The following PER1 variants were observed in gnomAD, a reference collection of about 807,000 sequenced individuals.
PER1 encodes period circadian regulator 1.
PER1 carries 87 observed loss-of-function variants against 125.9 expected under a neutral mutation model. The observed-to-expected ratio is 0.69, with a 90% CI of 0.58 to 0.83. PER1 has a LOEUF of 0.83. Ranked by LOEUF, PER1 falls within the 40% of genes least tolerant of loss-of-function variation. The pLI is 0.00. For synonymous variants in PER1, 801 were observed against 714.7 expected (o/e 1.12, Z -1.93); for missense variants, 1,775 against 1,722.8 (o/e 1.03, Z -0.54).
intron 17 of PER1, 119 bp downstream of exon 17, chr17:8,145,839 A>G (rs1041424310): frequency 8.7e-7 from 1 of 1,142,990 alleles, no homozygotes. Flanking sequence ...CCCAAGCCCC[A>G]GGTCAAGGGA....
chr17:8,147,222 G>T, intron 13 of PER1, 28 bp downstream of exon 13: 2 of 1,587,704 alleles, frequency 1.3e-6, no homozygotes, highest in Non-Finnish European at 1.7e-6. Flanking sequence ...AGGGCGATTA[G>T]AGGGTGAGGT....
At chr17:8,148,583 T>TG in intron 8 of PER1, 61 bp downstream of exon 8, 1 of 1,528,782 alleles carries the variant, frequency 6.5e-7, no homozygotes. Context: ...AATTCATGTC[T>TG]GGCCATGAGG....
At position 8,143,229 on chromosome 17, in the gene PER1, TG is replaced by T. The variant is rs767861745; in HGVS notation, c.3072+36del. On this transcript the variant is annotated intron_variant, in intron 19 of 22. Transcript: ENST00000317276. ...GGGTGGCAGAGGGGCGGGGCTGGGG[TG>T]GGGGCTGGCAGGCAGACGCAGGGGT... 3 of 1,186,706 alleles carry T rather than the reference TG, an allele frequency of 2.5e-6. No individual in the cohort carries two copies. The African/African-American group carries it at 5.2e-5, about 21-fold the overall frequency. 73.5% of individuals were successfully genotyped at this position (1,186,706 alleles called of 1,614,324 possible). A position where few individuals can be genotyped will look rare whatever the true frequency, so the allele number is the denominator to read the frequency against.
chr17:8,148,569 C>A, intron 8 of PER1, 75 bp downstream of exon 8: 1 of 1,506,170 alleles, frequency 6.6e-7, no homozygotes, highest in Non-Finnish European at 8.9e-7. Context: ...GTTCATGCCT[C>A]CCAAATTCAT....
rs755601901 is a variant in PER1, at chr17:8,142,676, C to T, written c.3232G>A (p.Gly1078Arg). The T allele has an allele frequency of 6.2e-7, 1 of 1,614,050 alleles. No individual in the cohort carries two copies. Among genetic ancestry groups the T allele is most frequent in the Non-Finnish European group, 8.5e-7 (1 of 1,180,028 alleles). The change falls in exon 20 of 23, where the codon GGG becomes AGG. Residue 1078 changes from glycine (G) to arginine (R), a missense_variant. Physicochemically the swap from Gly to Arg is moderately radical, Grantham distance 125 (BLOSUM62 -2). Transcript: ENST00000317276. The stretch of plus-strand genomic sequence containing the variant: ...GTGATGCTGGCTGAGGTGCTGCCCC[C>T]TTCATGGGAGCCTGAACCAGACCCA... ...GSGSGSGSHE[G>R]GSTSASITRS...
At chr17:8,144,587 G>A (rs1196756198) in intron 18 of PER1, 164 bp downstream of exon 18, 2 of 908,748 alleles carry the variant, frequency 2.2e-6, no homozygotes, top group Non-Finnish European at 3.3e-6. Context: ...CCCCATCCTA[G>A]TGGGGAGAAG....
In PER1 at chr17:8,143,483, T is replaced by A; in HGVS notation, c.2855A>T (p.His952Leu). The stretch of plus-strand genomic sequence containing the variant: ...GGCGGGCAAGGATGGAGAAGGGGAG[T>A]GCGAGGCAGGAGTGGGAGGCCCTTC... The part of the protein sequence containing the change: ...PAEGPPTPAS[H>L]SPSPSLPALA... Residue 952 changes from histidine (H) to leucine (L), a missense_variant, in exon 19 of 23, where the codon CAC (histidine) becomes CTC (leucine). By Grantham distance (99) the His-to-Leu change is moderately conservative. Coordinates refer to ENST00000317276, the MANE Select transcript of PER1 (RefSeq NM_002616.3). 1 of 1,590,220 alleles carries A rather than the reference T, an allele frequency of 6.3e-7. No homozygotes were observed. Among genetic ancestry groups the A allele is most frequent in the Non-Finnish European group, 8.6e-7 (1 of 1,166,808 alleles).
Position 8,149,240 on chromosome 17 carries a change from T to G in PER1, c.905+19A>C. Reference sequence around the variant, plus strand: ...AAAAAAAAAGGAGGCAGAGGTCTTCTCCAGTTCCCCTCACCTACCTGATAC... The same window carrying G: ...AAAAAAAAAGGAGGCAGAGGTCTTCGCCAGTTCCCCTCACCTACCTGATAC... On this transcript the variant is annotated intron_variant, in intron 7 of 22. Coordinates refer to ENST00000317276, the MANE Select transcript of PER1 (RefSeq NM_002616.3). The G allele has an allele frequency of 5.0e-6, 8 of 1,607,536 alleles. No homozygotes were observed. The highest frequency in any genetic ancestry group is 6.8e-6 in the Non-Finnish European group (8 of 1,175,366).
In PER1 at chr17:8,142,281, T is replaced by C. The variant is rs1982129478; in HGVS notation, c.3437A>G (p.Gln1146Arg). The C allele has an allele frequency of 6.3e-7, 1 of 1,598,604 alleles. No individual in the cohort carries two copies. Among genetic ancestry groups the C allele is most frequent in the South Asian group, 1.1e-5 (1 of 88,820 alleles). The change falls in exon 21 of 23, where the codon CAG becomes CGG. Residue 1146 changes from glutamine (Q) to arginine (R), a missense_variant. Coordinates refer to ENST00000317276, the MANE Select transcript of PER1 (RefSeq NM_002616.3). ...TGAAATGCCTCACCTGGAGGGCACC[T>C]GGTAGGTCATCATGACGCGCTGGTC... ...NADQRVMMTY[Q>R]VPSRDMTSVL...
At chr17:8,150,956 G>C in intron 1 of PER1, 111 bp from the exon 2 acceptor site, 1 of 470,840 alleles carries the variant, frequency 2.1e-6, no homozygotes. Flanking sequence ...GGACTGATGG[G>C]AGTGGAACCC....
At chr17:8,141,590 C>T (rs1004037193) in intron 22 of PER1, among the ~76,000 whole-genome samples, 6 of 152,184 alleles carry the variant, frequency 3.9e-5, no homozygotes, top group South Asian at 2.1e-4. Flanking sequence ...AAGACTCACG[C>T]GGCTTAATAT....
chr17:8,146,148 A>G lies in PER1; in HGVS notation c.2039-11T>C, dbSNP rs749807631. 4 of 1,577,274 alleles carry G rather than the reference A, an allele frequency of 2.5e-6. No individual in the cohort carries two copies. Among genetic ancestry groups the G allele is most frequent in the Non-Finnish European group, 3.4e-6 (4 of 1,161,360 alleles). ...CTGCTGACGGCGGATCTGTGCAGAG[A>G]GATGGTGCCAGTTACCATCCCCACC... On this transcript the variant is annotated splice_polypyrimidine_tract_variant and intron_variant, in intron 16 of 22. Transcript: ENST00000317276.
At chr17:8,146,163 C>A (rs1982422452) in intron 16 of PER1, 26 bp from the exon 17 acceptor site, 3 of 1,564,614 alleles carry the variant, frequency 1.9e-6, no homozygotes, top group East Asian at 4.5e-5. Flanking sequence ...GTGCCAGTTA[C>A]CATCCCCACC....
chr17:8,148,579 T>C (rs1337620408), intron 8 of PER1, 65 bp downstream of exon 8: 6 of 1,527,552 alleles, frequency 3.9e-6, no homozygotes, highest in South Asian at 1.3e-5. Flanking sequence ...CCCAAATTCA[T>C]GTCTGGCCAT....
At chr17:8,147,439 AC>A in intron 12 of PER1, 30 bp downstream of exon 12, 2 of 1,610,806 alleles carry the variant, frequency 1.2e-6, no homozygotes, top group Non-Finnish European at 1.7e-6. Context: ...ACCTTTTCTC[AC>A]CTCCCAGGCT....
rs927454958 is a variant in PER1 at position 8,143,736 on chromosome 17, A to C, written c.2602T>G (p.Trp868Gly). ...GGGGTAGTGGCTGGTGGGGTGGGCCAGGGGGTGGAGGGTGGCACGGGTGAG... is the reference window on the plus strand; with the variant it reads ...GGGGTAGTGGCTGGTGGGGTGGGCCCGGGGGTGGAGGGTGGCACGGGTGAG... ...HPSPVPPSTPWPTPPATTPFP... is the reference protein window; with the variant it reads ...HPSPVPPSTPGPTPPATTPFP... The change falls in exon 19 of 23, where the codon TGG (tryptophan) becomes GGG (glycine). Residue 868 changes from tryptophan to glycine, a missense_variant. Transcript: ENST00000317276. 1.3e-6 allele frequency: 1 copy of C among 797,044 alleles called. No homozygotes were observed. Among genetic ancestry groups the C allele is most frequent in the Admixed American group, 3.9e-5 (1 of 25,416 alleles). The allele number at this position is 797,044 out of a possible 1,614,324, so 49.4% of individuals were successfully genotyped here.
chr17:8,143,539 G>A lies in PER1; in HGVS notation c.2799C>T (p.Ser933=), dbSNP rs1982220882. The change falls in exon 19 of 23, where the codon AGC becomes AGT. Residue 933 remains serine, a synonymous_variant. Coordinates refer to ENST00000317276, the MANE Select transcript of PER1 (RefSeq NM_002616.3). ...GGGTCTGGAGTGCCCCATAAGGATA[G>A]CTGGATGGGGTTGGGAACAGATAGT... is the stretch of plus-strand genomic sequence containing the variant. ...LPNYLFPTPS[S]YPYGALQTPA... 7.9e-6 allele frequency: 12 copies of A among 1,510,594 alleles called. No homozygotes were observed. Among genetic ancestry groups the A allele is most frequent in the Non-Finnish European group, 1.1e-5 (12 of 1,124,994 alleles). The allele number at this position is 1,510,594 out of a possible 1,614,324, so 93.6% of individuals were successfully genotyped here. A position where few individuals can be genotyped will look rare whatever the true frequency, so the allele number is the denominator to read the frequency against.
Position 8,148,109 on chromosome 17 carries a change from C to T in PER1, c.1128-6G>A, listed in dbSNP as rs373093326. ...AGCCCAGCAGGGGGGCAGCCCTGAA[C>T]GGGAAGGAGGCATCAGAGTGGCCGT... is the stretch of plus-strand genomic sequence containing the variant. On this transcript the variant is annotated splice_polypyrimidine_tract_variant and splice_region_variant and intron_variant, in intron 9 of 22. Coordinates refer to ENST00000317276, the MANE Select transcript of PER1 (RefSeq NM_002616.3). 83 of 1,612,870 alleles carry T rather than the reference C, an allele frequency of 5.1e-5. No homozygotes were observed. Among genetic ancestry groups the T allele is most frequent in the African/African-American group, 1.3e-4 (10 of 74,986 alleles).
chr17:8,149,272 A>G lies in PER1; in HGVS notation c.892T>C (p.Phe298Leu). ...LRDFTQEKSV[F>L]CRIRGGPDRD... ...CCCCTCACCTACCTGATACGGCAGA[A>G]GACGGACTTCTCCTGGGTAAAGTCC... Residue 298 changes from phenylalanine to leucine, a missense_variant, in exon 7 of 23, where the codon TTC (phenylalanine) becomes CTC (leucine). Transcript: ENST00000317276. 1 of 1,613,756 alleles carries G rather than the reference A, an allele frequency of 6.2e-7. No individual in the cohort carries two copies. Among genetic ancestry groups the G allele is most frequent in the Non-Finnish European group, 8.5e-7 (1 of 1,179,908 alleles).
Sources: gnomAD v4.1 joint callset for allele counts (sites outside exome capture counted in the v4.1 genomes callset) on GRCh38, gnomAD v4.1.1 for gene constraint, MANE v1.5 for transcripts, NCBI Gene and HGNC (gene_info 2026-07-23, HGNC 2026-07-21) for gene names.